Variants in PDLIM2 observed in about 807,000 individuals in gnomAD.
PDLIM2 encodes PDZ and LIM domain protein 2.
A neutral mutation model predicts 54.1 loss-of-function variants in PDLIM2; 51 were observed. The ratio of observed to expected loss-of-function variants is 0.94; its 90% CI spans 0.75 to 1.19. PDLIM2 has a LOEUF of 1.19. Among genes scored for constraint, PDLIM2 ranks in the 50% most tolerant of loss-of-function variants. PDLIM2 has a pLI of 0.00. For missense variants in PDLIM2, 912 were observed against 874.0 expected, an observed-to-expected ratio of 1.04 and a Z score of -0.55; for synonymous variants, 398 against 385.6, an observed-to-expected ratio of 1.03 and a Z score of -0.38.
Position 22,589,305 on chromosome 8 carries a change from T to C in PDLIM2, c.1298T>C (p.Leu433Pro), listed in dbSNP as rs1028511588. 2.7e-5 allele frequency: 42 copies of C among 1,533,858 alleles called. No homozygotes were observed. Among genetic ancestry groups the C allele is most frequent in the Non-Finnish European group, 3.3e-5 (38 of 1,146,324 alleles). The change falls in exon 7 of 10, where the codon CTC (leucine) becomes CCC (proline). Residue 433 changes from leucine (L) to proline (P), a missense_variant. Physicochemically the swap from Leu to Pro is moderately conservative, Grantham distance 98 (BLOSUM62 -3). Transcript: ENST00000308354. Reference sequence around the variant, plus strand: ...GCTGCCTCCTCCCAACAGGCCGGCCTCGGCCGCGCTGGCGACTCGGCGGTG... The same window carrying C: ...GCTGCCTCCTCCCAACAGGCCGGCCCCGGCCGCGCTGGCGACTCGGCGGTG...
chr8:22,579,280 C>G, exon 1 of PDLIM2: 4 of 1,372,588 alleles, frequency 2.9e-6, no homozygotes, highest in Non-Finnish European at 3.7e-6. Context: ...GCGCCGGGCT[C>G]CTCTCCGCGC....
chr8:22,588,071 G>C (rs1333397231), intron 6 of PDLIM2: 3 of 152,396 alleles, frequency 2.0e-5, no homozygotes, highest in East Asian at 1.9e-4. Flanking sequence ...ACTATCTCTA[G>C]GTCCTTCAGG....
chr8:22,581,969 T>A (rs1237133241), intron 3 of PDLIM2, among the ~76,000 whole-genome samples: 1 of 152,238 alleles, frequency 6.6e-6, no homozygotes, highest in Non-Finnish European at 1.5e-5. Context: ...AAGTGAGGAC[T>A]TGGGGGGCTC....
chr8:22,593,850 C>T, exon 10 of PDLIM2: 3 of 1,574,588 alleles, frequency 1.9e-6, no homozygotes, highest in Non-Finnish European at 2.6e-6. Context: ...ACGAGCTGTA[C>T]TGTGAGAAGC....
chr8:22,592,716 C>G (rs1800586992), intron 9 of PDLIM2: 1 of 152,312 alleles, frequency 6.6e-6, no homozygotes, highest in Non-Finnish European at 1.5e-5. Flanking sequence ...CTCCAGGAGG[C>G]CAACAGGCCT....
At chr8:22,589,919 G>A (rs1046018091) in intron 8 of PDLIM2, 178 bp downstream of exon 7, 6 of 365,150 alleles carry the variant, frequency 1.6e-5, no homozygotes, top group Middle Eastern at 5.8e-4. Context: ...CTGACGGTCC[G>A]GGAGGGTCCG....
chr8:22,589,225 G>A lies in PDLIM2; in HGVS notation c.1291-73G>A, dbSNP rs746126154. 66 of 1,486,728 alleles carry A rather than the reference G, an allele frequency of 4.4e-5. 1 individual carries two copies. The Admixed American group carries it at 1.0e-3, about 23-fold the overall frequency. 92.1% of individuals were successfully genotyped at this position (1,486,728 alleles called of 1,614,324 possible). A position where few individuals can be genotyped will look rare whatever the true frequency, so the allele number is the denominator to read the frequency against. ...CCTGGTGTCGGGCCTGGGAACAGCC[G>A]GGCTAGGCCCTCCTGGGTGTGTTGG... On this transcript the variant is annotated intron_variant, in intron 6 of 9. Transcript: ENST00000308354.
intron 6 of PDLIM2, 56 bp downstream of exon 5, chr8:22,585,455 TG>T: frequency 6.6e-7 from 1 of 1,524,766 alleles, no homozygotes; most frequent in South Asian, 1.2e-5. Context: ...CCCGTTCCTG[TG>T]GGTTGCCAGT....
Position 22,591,515 on chromosome 8 carries a change from G to A in PDLIM2, c.1514-36G>A, listed in dbSNP as rs570868043. 5.1e-6 allele frequency: 8 copies of A among 1,575,148 alleles called. No homozygotes were observed. The Admixed American group carries it at 6.7e-5, about 13-fold the overall frequency. ...TCTTTGGGAGGATGCTGTGGTTGGT[G>A]GGCTCTCACCACATGTCTGTCTGCC... is the stretch of plus-strand genomic sequence containing the variant. On this transcript the variant is annotated intron_variant, in intron 8 of 9. Transcript: ENST00000308354.
chr8:22,591,499 G>T, intron 8 of PDLIM2, 52 bp from the exon 8 acceptor site: 1 of 1,496,540 alleles, frequency 6.7e-7, no homozygotes, highest in Non-Finnish European at 9.3e-7. Context: ...ATCTTTGGGA[G>T]GATGCTGTGG....
chr8:22,587,596 G>A (rs956701593), intron 6 of PDLIM2: 1 of 152,268 alleles, frequency 6.6e-6, no homozygotes, highest in Non-Finnish European at 1.5e-5. Context: ...TGATGGGCAG[G>A]TGAAGGGGGA....
At chr8:22,584,022 G>A (rs1800293370) in intron 3 of PDLIM2, among the ~76,000 whole-genome samples, 2 of 151,844 alleles carry the variant, frequency 1.3e-5, no homozygotes, top group South Asian at 4.2e-4. Flanking sequence ...TGTCGTTTGA[G>A]ATGGAGTCTC....
At chr8:22,581,585 C>T (rs571942241) in intron 3 of PDLIM2, 55 bp downstream of exon 2, 33 of 1,517,992 alleles carry the variant, frequency 2.2e-5, no homozygotes, top group East Asian at 1.6e-4. Context: ...CACCACCCCA[C>T]GTATTGAGCA....
At chr8:22,581,630 C>G in intron 3 of PDLIM2, 100 bp downstream of exon 2, 2 of 1,428,018 alleles carry the variant, frequency 1.4e-6, no homozygotes, top group Non-Finnish European at 1.8e-6. Context: ...GAGCTCAGCC[C>G]TAAAGCGGCC....
downstream of PDLIM2, chr8:22,594,618 A>G: frequency 6.2e-7 from 1 of 1,613,848 alleles, no homozygotes; most frequent in South Asian, 1.1e-5. Flanking sequence ...GACAGGAGGA[A>G]GACCAGGAGA....
downstream of PDLIM2, chr8:22,594,596 G>A (rs751727828): frequency 1.1e-5 from 18 of 1,613,890 alleles, no homozygotes; most frequent in Middle Eastern, 1.6e-4. Context: ...GGTGGAGGGC[G>A]CCAAGCGGAG....
intron 3 of PDLIM2, among the ~76,000 whole-genome samples, chr8:22,582,681 A>C (rs1278008565): frequency 1.3e-5 from 2 of 149,252 alleles, no homozygotes; most frequent in African/African-American, 5.0e-5. Flanking sequence ...TCCCGGGTTC[A>C]AGAGAGTCTC....
At chr8:22,593,705 T>TGGAGAGA (rs1800616753) in intron 9 of PDLIM2, 28 bp from the exon 9 acceptor site, 2 of 1,547,450 alleles carry the variant, frequency 1.3e-6, no homozygotes, top group Admixed American at 2.0e-5. Flanking sequence ...GCTGTGGCTC[T>TGGAGAGA]GAGCTAAAGC....
intron 9 of PDLIM2, chr8:22,592,845 A>C (rs1367009020): frequency 6.6e-6 from 1 of 152,248 alleles, no homozygotes; most frequent in Non-Finnish European, 1.5e-5. Flanking sequence ...ACGGACTTAC[A>C]GTCTTTATGT....
Sources: gnomAD v4.1 joint callset for allele counts (sites outside exome capture counted in the v4.1 genomes callset) on GRCh38, gnomAD v4.1.1 for gene constraint, MANE v1.5 for transcripts, NCBI Gene and HGNC (gene_info 2026-07-23, HGNC 2026-07-21) for gene names.